The following UQCR11 variants were observed in gnomAD, a reference collection of about 807,000 sequenced individuals.
UQCR11 encodes the protein ubiquinol-cytochrome c reductase, complex III subunit XI.
UQCR11 carries 10 observed loss-of-function variants against 7.6 expected under a neutral mutation model. The ratio of observed to expected loss-of-function variants is 1.31; its 90% confidence interval spans 0.81 to 2.22. The LOEUF (loss-of-function observed/expected upper bound fraction) is 2.22, where lower values mean the gene tolerates loss of function less well. Among genes scored for constraint, UQCR11 ranks in the 30% most tolerant of loss-of-function variants. The probability of loss-of-function intolerance (pLI) is 0.00; values close to 1 mark genes in which losing one functional copy is unlikely to be tolerated. For synonymous variants in UQCR11, 34 were observed against 34.9 expected, an observed-to-expected ratio of 0.97 and a Z score of 0.09; for missense variants, 86 against 75.1, an observed-to-expected ratio of 1.15 and a Z score of -0.54.
intron 1 of UQCR11, among the ~76,000 whole-genome samples, chr19:1,601,806 T>C (rs1383038133): frequency 2.0e-5 from 3 of 152,118 alleles, no homozygotes; most frequent in Non-Finnish European, 4.4e-5. Context: ...CCATTTCTTA[T>C]GCACACAGCA....
At chr19:1,604,562 C>T (rs996217616) in intron 1 of UQCR11, among the ~76,000 whole-genome samples, 1 of 151,218 alleles carries the variant, frequency 6.6e-6, no homozygotes, top group Non-Finnish European at 1.5e-5. Flanking sequence ...CAGTCTCATT[C>T]TGTCACCCAG....
chr19:1,599,154 C>G, intron 2 of UQCR11: 1 of 390,524 alleles, frequency 2.6e-6, no homozygotes, highest in South Asian at 2.7e-5. Context: ...AGGTTTGCCT[C>G]AAAGACTCAC....
chr19:1,602,671 C>T (rs931560454), intron 1 of UQCR11, among the ~76,000 whole-genome samples: 11 of 152,080 alleles, frequency 7.2e-5, no homozygotes, highest in Non-Finnish European at 1.0e-4. Context: ...AGGCTCTTCT[C>T]GAACTCCTGA....
intron 1 of UQCR11, among the ~76,000 whole-genome samples, chr19:1,603,369 G>A (rs1015990565): frequency 1.3e-5 from 2 of 152,154 alleles, no homozygotes; most frequent in Admixed American, 6.5e-5. Context: ...TTGGGAGGCC[G>A]AGGCAGGTGG....
chr19:1,599,887 C>T (rs907867852), intron 1 of UQCR11, among the ~76,000 whole-genome samples: 2 of 152,270 alleles, frequency 1.3e-5, no homozygotes, highest in African/African-American at 4.8e-5. Context: ...TGCAGAAATT[C>T]ATCCATCCCT....
chr19:1,602,876 A>G (rs2060751251), intron 1 of UQCR11, among the ~76,000 whole-genome samples: 1 of 152,204 alleles, frequency 6.6e-6, no homozygotes, highest in East Asian at 1.9e-4. Flanking sequence ...GGAAGAGCCC[A>G]CAAAACCTGA....
Position 1,597,604 on chromosome 19 carries a change from G to A in UQCR11, c.*640C>T, listed in dbSNP as rs969093629. 4.6e-5 allele frequency: 7 copies of A among 152,228 alleles called. No homozygotes were observed. Among genetic ancestry groups the A allele is most frequent in the Non-Finnish European group, 8.8e-5 (6 of 68,054 alleles). 9.4% of individuals were successfully genotyped at this position (152,228 alleles called of 1,614,324 possible). A position where few individuals can be genotyped will look rare whatever the true frequency, so the allele number is the denominator to read the frequency against. Reference sequence around the variant, plus strand: ...GCCGTGAGGATGCTCAAGCAGCTTCGTGTAGGGGCCCCCATGGGAAGGAAC... The same window carrying A: ...GCCGTGAGGATGCTCAAGCAGCTTCATGTAGGGGCCCCCATGGGAAGGAAC... On this transcript the variant is annotated 3_prime_UTR_variant, in exon 3 of 3. Transcript: ENST00000591899.
intron 1 of UQCR11, among the ~76,000 whole-genome samples, chr19:1,600,209 CTTTTTTTT>C (rs751453784): frequency 8.2e-6 from 1 of 121,352 alleles, no homozygotes; most frequent in Admixed American, 8.8e-5. Context: ...GCACAGGCTT[CTTTTTTTT>C]TTTTTTTTTT....
At chr19:1,603,938 T>A (rs1416658355) in intron 1 of UQCR11, among the ~76,000 whole-genome samples, 1 of 152,226 alleles carries the variant, frequency 6.6e-6, no homozygotes, top group Non-Finnish European at 1.5e-5. Context: ...CTGCCAATCA[T>A]AAGCCTTTGC....
chr19:1,602,651 C>T (rs2060750666), intron 1 of UQCR11, among the ~76,000 whole-genome samples: 1 of 152,084 alleles, frequency 6.6e-6, no homozygotes, highest in Non-Finnish European at 1.5e-5. Context: ...AGGGTTTCAC[C>T]TTGTTGGCCA....
chr19:1,599,610 G>A (rs368700484), intron 1 of UQCR11, 50 bp from the exon 2 acceptor site: 13 of 1,595,354 alleles, frequency 8.1e-6, no homozygotes, highest in African/African-American at 4.0e-5. Flanking sequence ...CTTTCTCCAA[G>A]ACCCTCTCCT....
Position 1,599,464 on chromosome 19 carries a change from A to G in UQCR11, c.147T>C (p.Asn49=). The G allele has an allele frequency of 2.5e-6, 4 of 1,613,866 alleles. No homozygotes were observed. The highest frequency in any genetic ancestry group is 3.4e-6 in the Non-Finnish European group (4 of 1,180,004). ...ATTAATTATCCTTCTTAAACTTGCC[A>G]TTGATGTAAGGTACCCAGTCCAGGA... ...RLILDWVPYI[N]GKFKKDN Residue 49 remains asparagine (N), a synonymous_variant, in exon 2 of 3, where the codon AAT becomes AAC. Coordinates refer to ENST00000591899, the MANE Select transcript of UQCR11 (RefSeq NM_006830.4).
intron 1 of UQCR11, 24 bp downstream of exon 1, chr19:1,605,336 G>A: frequency 6.4e-7 from 1 of 1,560,500 alleles, no homozygotes; most frequent in Non-Finnish European, 8.6e-7. Context: ...GAGCGCGGAT[G>A]GGGCCGCGGG....
chr19:1,599,665 G>C (rs886494960), intron 1 of UQCR11, 105 bp from the exon 2 acceptor site: 1 of 1,494,038 alleles, frequency 6.7e-7, no homozygotes, highest in Non-Finnish European at 8.9e-7. Context: ...CTGAGGTGCG[G>C]GCCTGGCACC....
chr19:1,604,400 G>A (rs1376488472), intron 1 of UQCR11, among the ~76,000 whole-genome samples: 2 of 152,168 alleles, frequency 1.3e-5, no homozygotes, highest in African/African-American at 4.8e-5. Flanking sequence ...TTGTAGAGAT[G>A]GGGTTTCATT....
At chr19:1,602,948 G>A (rs1273301727) in intron 1 of UQCR11, among the ~76,000 whole-genome samples, 2 of 152,162 alleles carry the variant, frequency 1.3e-5, no homozygotes, top group South Asian at 2.1e-4. Flanking sequence ...CGACCTCGTC[G>A]CCACGACAAC....
intron 2 of UQCR11, chr19:1,599,023 A>G: frequency 4.6e-6 from 1 of 217,888 alleles, no homozygotes; most frequent in Non-Finnish European, 9.3e-6. Context: ...CCAGGGCCTC[A>G]CAGGCGCTTC....
chr19:1,599,344 G>C (rs1308478117), intron 2 of UQCR11, 68 bp downstream of exon 2: 2 of 1,571,766 alleles, frequency 1.3e-6, no homozygotes, highest in African/African-American at 1.3e-5. Flanking sequence ...TGGGAGCCTG[G>C]AGAACCCACT....
chr19:1,599,374 A>G, intron 2 of UQCR11, 38 bp downstream of exon 2: 1 of 1,601,560 alleles, frequency 6.2e-7, no homozygotes, highest in Admixed American at 1.7e-5. Flanking sequence ...CCATCCGGCC[A>G]TCATGCAGTC....
Sources: gnomAD v4.1 joint callset for allele counts (sites outside exome capture counted in the v4.1 genomes callset) on GRCh38, gnomAD v4.1.1 for gene constraint, MANE v1.5 for transcripts, NCBI Gene and HGNC (gene_info 2026-07-23, HGNC 2026-07-21) for gene names.